The following VWA2 variants were observed in gnomAD, a reference collection of about 807,000 sequenced individuals.
The protein encoded by VWA2 is von Willebrand factor A domain-containing protein 2.
VWA2 carries 73 observed loss-of-function variants against 70.4 expected under a neutral mutation model. That is an observed-to-expected ratio of 1.04 (90% CI 0.86 to 1.26). The LOEUF (loss-of-function observed/expected upper bound fraction) is 1.26. Among genes scored for constraint, VWA2 ranks in the 50% most tolerant of loss-of-function variants. The pLI is 0.00. For synonymous variants in VWA2, 407 were observed against 423.3 expected, an observed-to-expected ratio of 0.96 and a Z score of 0.47; for missense variants, 1,011 against 998.5, an observed-to-expected ratio of 1.01 and a Z score of -0.17.
intron 1 of VWA2, among the ~76,000 whole-genome samples, chr10:114,241,020 G>A (rs2036966181): frequency 6.6e-6 from 1 of 152,166 alleles, no homozygotes; most frequent in African/African-American, 2.4e-5. Flanking sequence ...TGGGATATCC[G>A]AATCATAGTC....
In VWA2 at chr10:114,283,207, C is replaced by T. The variant is rs866629331; in HGVS notation, c.889+636C>T. Among the ~76,000 whole-genome samples, 122 of 152,192 alleles carry T rather than the reference C, an allele frequency of 8.0e-4. 1 individual carries two copies. The highest frequency in any genetic ancestry group is 3.4e-3 in the Middle Eastern group (1 of 294). ...CAGTCCTGGGGTGGATTTGTTACTC[C>T]CGATGAGTAGCCTGTCTCCCGGAAG... On this transcript the variant is annotated intron_variant, in intron 9 of 13. Coordinates refer to ENST00000392982, the MANE Select transcript of VWA2 (RefSeq NM_001272046.2).
Position 114,293,821 on chromosome 10 carries a change from A to C in VWA2, c.*2584A>C, listed in dbSNP as rs2039823155. Among the ~76,000 whole-genome samples the C allele has an allele frequency of 6.6e-6, 1 of 152,154 alleles. No individual in the cohort carries two copies. The highest frequency in any genetic ancestry group is 1.5e-5 in the Non-Finnish European group (1 of 68,002). On this transcript the variant is annotated 3_prime_UTR_variant, in exon 14 of 14. Transcript: ENST00000392982. ...ATGCTAGTTTTGTCTCTTCCTTTCA[A>C]AGTTGTATACCACTTCTTTTTCTTG...
At chr10:114,247,458 T>C (rs1350463397) in intron 1 of VWA2, among the ~76,000 whole-genome samples, 4 of 152,108 alleles carry the variant, frequency 2.6e-5, no homozygotes, top group Non-Finnish European at 4.4e-5. Flanking sequence ...CCACCATGTC[T>C]GGCTAATTTT....
chr10:114,251,820 ATTTT>A (rs1219307995), intron 2 of VWA2, among the ~76,000 whole-genome samples: 1 of 120,894 alleles, frequency 8.3e-6, no homozygotes, highest in African/African-American at 3.2e-5. Context: ...AAAACCTGTA[ATTTT>A]TTTTTTTTTT....
intron 9 of VWA2, among the ~76,000 whole-genome samples, chr10:114,284,338 C>T (rs748661407): frequency 2.0e-5 from 3 of 152,192 alleles, no homozygotes; most frequent in Non-Finnish European, 2.9e-5. Context: ...AGAACAAGTT[C>T]AGTTCCCATC....
chr10:114,285,041 C>T, intron 10 of VWA2, 71 bp downstream of exon 10: 7 of 1,242,724 alleles, frequency 5.6e-6, no homozygotes, highest in Middle Eastern at 2.3e-4. Flanking sequence ...CTTTTCATTG[C>T]ACGCCCTTCC....
rs1346852225 is a variant in VWA2 at position 114,291,699 on chromosome 10, C to A, written c.*462C>A. On this transcript the variant is annotated 3_prime_UTR_variant, in exon 14 of 14. Coordinates refer to ENST00000392982, the MANE Select transcript of VWA2 (RefSeq NM_001272046.2). ...AGAGCATCCTTTGGACGGCGAAGGCCACGGCCTTTCAAGATGGAAAGCAGC... is the reference window on the plus strand; with the variant it reads ...AGAGCATCCTTTGGACGGCGAAGGCAACGGCCTTTCAAGATGGAAAGCAGC... 6.6e-6 allele frequency among the ~76,000 whole-genome samples: 1 copy of A among 152,238 alleles called. No homozygotes were observed. The highest frequency in any genetic ancestry group is 1.5e-5 in the Non-Finnish European group (1 of 68,050).
chr10:114,248,766 G>T lies in VWA2; in HGVS notation c.52+1G>T, dbSNP rs765102877. 1.2e-6 allele frequency: 2 copies of T among 1,613,504 alleles called. No homozygotes were observed. The highest frequency in any genetic ancestry group is 3.3e-5 in the Admixed American group (2 of 60,024). On this transcript the variant is annotated splice_donor_variant, in intron 2 of 13. Coordinates refer to ENST00000392982, the MANE Select transcript of VWA2 (RefSeq NM_001272046.2). LOFTEE classifies it high-confidence loss of function. ...GTCTGTGTTTTCCTGTTTTCCAGAG[G>T]TAAGATGTGTTTATTGGTGGTGGGG...
chr10:114,258,187 T>C (rs997710659), intron 4 of VWA2, among the ~76,000 whole-genome samples: 2 of 152,244 alleles, frequency 1.3e-5, no homozygotes, highest in African/African-American at 4.8e-5. Flanking sequence ...TCAGGCTTTA[T>C]GTTTTTGCTG....
At chr10:114,246,898 A>G (rs1377224698) in intron 1 of VWA2, among the ~76,000 whole-genome samples, 2 of 152,196 alleles carry the variant, frequency 1.3e-5, no homozygotes, top group East Asian at 1.9e-4. Flanking sequence ...CCACATCAAT[A>G]AACATGACAC....
At position 114,283,252 on chromosome 10, in the gene VWA2, C is replaced by T. The variant is rs143420889; in HGVS notation, c.889+681C>T. 7.2e-3 allele frequency among the ~76,000 whole-genome samples: 1,099 copies of T among 152,116 alleles called. 14 individuals carry two copies. Among genetic ancestry groups the T allele is most frequent in the African/African-American group, 0.025 (1,043 of 41,496 alleles). ...CGGAAGCAATGCCGGCAGTTAGACACACAGGCAGGGCAGCGAGCAGTTAGA... is the reference window on the plus strand; with the variant it reads ...CGGAAGCAATGCCGGCAGTTAGACATACAGGCAGGGCAGCGAGCAGTTAGA... On this transcript the variant is annotated intron_variant, in intron 9 of 13. Coordinates refer to ENST00000392982, the MANE Select transcript of VWA2 (RefSeq NM_001272046.2).
intron 2 of VWA2, 75 bp downstream of exon 2, chr10:114,248,840 A>AT (rs1221356409): frequency 7.2e-7 from 1 of 1,381,914 alleles, no homozygotes; most frequent in East Asian, 2.3e-5. Flanking sequence ...AATCCTGTTG[A>AT]TTTTCAATTC....
chr10:114,258,178 C>T (rs2037370133), intron 4 of VWA2, among the ~76,000 whole-genome samples: 1 of 152,202 alleles, frequency 6.6e-6, no homozygotes, highest in Non-Finnish European at 1.5e-5. Context: ...CTTGTGGCTT[C>T]AGGCTTTATG....
At chr10:114,281,494 G>A (rs1396249169) in intron 8 of VWA2, among the ~76,000 whole-genome samples, 1 of 152,186 alleles carries the variant, frequency 6.6e-6, no homozygotes, top group Non-Finnish European at 1.5e-5. Context: ...AACATGGAGG[G>A]AACCATCTCT....
At chr10:114,255,101 A>G in intron 4 of VWA2, 53 bp downstream of exon 4, 1 of 1,597,118 alleles carries the variant, frequency 6.3e-7, no homozygotes, top group South Asian at 1.1e-5. Context: ...GTGATAAGGG[A>G]CAGAAACCCG....
chr10:114,275,984 A>C (rs1564727151), intron 6 of VWA2, among the ~76,000 whole-genome samples: 1 of 152,186 alleles, frequency 6.6e-6, no homozygotes, highest in Non-Finnish European at 1.5e-5. Context: ...TATAAATTCA[A>C]ATGTTTATTA....
intron 8 of VWA2, chr10:114,280,823 C>T (rs1232854562): frequency 6.6e-6 from 1 of 152,206 alleles, no homozygotes. Context: ...GGTGCAGCCT[C>T]AAACTTCCAG....
intron 5 of VWA2, among the ~76,000 whole-genome samples, chr10:114,266,141 C>G (rs1158146061): frequency 1.3e-5 from 2 of 151,772 alleles, no homozygotes; most frequent in African/African-American, 4.8e-5. Context: ...ACTAAAAATA[C>G]AAAAAATTAG....
chr10:114,287,347 ATTGTT>A (rs1235090204), intron 11 of VWA2, among the ~76,000 whole-genome samples: 1 of 152,098 alleles, frequency 6.6e-6, no homozygotes, highest in Non-Finnish European at 1.5e-5. Context: ...TGCCCAGCTA[ATTGTT>A]TTATTTTTTA....
Sources: gnomAD v4.1 joint callset for allele counts (sites outside exome capture counted in the v4.1 genomes callset) on GRCh38, gnomAD v4.1.1 for gene constraint, MANE v1.5 for transcripts, NCBI Gene and HGNC (gene_info 2026-07-23, HGNC 2026-07-21) for gene names.